ATP6V0A1: variants seen among roughly 807,000 people sequenced by gnomAD.
The protein encoded by ATP6V0A1 is ATPase H+ transporting V0 subunit a1.
ATP6V0A1 carries 43 observed loss-of-function variants against 105.4 expected under a neutral mutation model. The observed-to-expected ratio is 0.41, with a 90% CI of 0.32 to 0.53. The LOEUF (loss-of-function observed/expected upper bound fraction) is 0.53. ATP6V0A1 is among the 20% of genes least tolerant of loss of function. ATP6V0A1 has a pLI of 0.30. For synonymous variants in ATP6V0A1, 362 were observed against 372.8 expected (o/e 0.97, Z 0.33); for missense variants, 676 against 1,051.1 (o/e 0.64, Z 4.93).
intron 10 of ATP6V0A1, among the ~76,000 whole-genome samples, chr17:42,488,447 C>T (rs2090317694): frequency 6.6e-6 from 1 of 152,076 alleles, no homozygotes; most frequent in Admixed American, 6.6e-5. Flanking sequence ...GGAACATGAT[C>T]AAAGCAGTTT....
chr17:42,487,073 G>A (rs1342985978), intron 9 of ATP6V0A1, 82 bp from the exon 10 acceptor site: 1 of 1,342,102 alleles, frequency 7.5e-7, no homozygotes, highest in South Asian at 1.2e-5. Flanking sequence ...TTTTCAGAAA[G>A]CTATGCCTCT....
At chr17:42,484,482 C>T (rs1567831220) in intron 9 of ATP6V0A1, among the ~76,000 whole-genome samples, 3 of 152,180 alleles carry the variant, frequency 2.0e-5, no homozygotes, top group Non-Finnish European at 4.4e-5. Flanking sequence ...GGCAGCTGGT[C>T]CCAATAGCTC....
Position 42,478,418 on chromosome 17 carries a change from C to T in ATP6V0A1, c.507-45C>T, listed in dbSNP as rs531360574. The T allele has an allele frequency of 4.1e-6, 6 of 1,452,478 alleles. No individual in the cohort carries two copies. In the East Asian group the frequency reaches 1.1e-4, roughly 26 times the overall value. The allele number at this position is 1,452,478 out of a possible 1,614,324, so 90.0% of individuals were successfully genotyped here. A position where few individuals can be genotyped will look rare whatever the true frequency, so the allele number is the denominator to read the frequency against. Reference sequence around the variant, plus strand: ...AAGACTTGTATTAAAACCTTCCATCCCATGACATGGAATAGAGTTTCCAAT... The same window carrying T: ...AAGACTTGTATTAAAACCTTCCATCTCATGACATGGAATAGAGTTTCCAAT... On this transcript the variant is annotated intron_variant, in intron 6 of 21. Transcript: ENST00000343619.
Position 42,520,904 on chromosome 17 carries a change from T to C in ATP6V0A1, c.2421-123T>C, listed in dbSNP as rs11868590. ...TCTGCACTCTGGGCTTTCTCTAGCT[T>C]CCCCAGGGAAGGGAGGCTCGGGGTG... On this transcript the variant is annotated intron_variant, in intron 21 of 21. Transcript: ENST00000343619. The C allele has an allele frequency of 0.016, 13,598 of 829,364 alleles. 1,243 individuals carry two copies. The African/African-American group carries it at 0.2, about 12-fold the overall frequency. The allele number at this position is 829,364 out of a possible 1,614,324, so 51.4% of individuals were successfully genotyped here. A position where few individuals can be genotyped will look rare whatever the true frequency, so the allele number is the denominator to read the frequency against.
chr17:42,489,848 TAGAG>T (rs1598895421), intron 10 of ATP6V0A1, among the ~76,000 whole-genome samples: 1 of 151,664 alleles, frequency 6.6e-6, no homozygotes, highest in East Asian at 1.9e-4. Flanking sequence ...AGGGAGGTCA[TAGAG>T]AGAAAAAAAA....
chr17:42,502,958 A>T (rs989613771), intron 17 of ATP6V0A1: 5 of 152,504 alleles, frequency 3.3e-5, no homozygotes, highest in Non-Finnish European at 7.3e-5. Context: ...AATTGAGAGC[A>T]TGGGACATGT....
At position 42,512,507 on chromosome 17, in the gene ATP6V0A1, G is replaced by A. The variant is rs190803480; in HGVS notation, c.2131-1354G>A. Among the ~76,000 whole-genome samples, 8 of 152,304 alleles carry A rather than the reference G, an allele frequency of 5.3e-5. No homozygotes were observed. In the East Asian group the frequency reaches 1.5e-3, roughly 29 times the overall value. On this transcript the variant is annotated intron_variant, in intron 19 of 21. Coordinates refer to ENST00000343619, the MANE Select transcript of ATP6V0A1 (RefSeq NM_001130021.3). The stretch of plus-strand genomic sequence containing the variant: ...CGGTGTTGGGATTTAGGGAACTCAG[G>A]GAACTAGGATTACCCTAGTTTTCAG...
intron 9 of ATP6V0A1, among the ~76,000 whole-genome samples, chr17:42,485,685 G>T (rs2090039443): frequency 6.6e-6 from 1 of 152,074 alleles, no homozygotes; most frequent in African/African-American, 2.4e-5. Context: ...CAAGTAGCTG[G>T]GACTACAGGT....
intron 12 of ATP6V0A1, chr17:42,494,816 C>T (rs548508717): frequency 5.9e-6 from 3 of 508,210 alleles, no homozygotes; most frequent in South Asian, 4.7e-5. Flanking sequence ...TGGCCAAAAC[C>T]GCAGTAACTT....
chr17:42,483,101 A>G lies in ATP6V0A1; in HGVS notation c.780A>G (p.Gly260=), dbSNP rs35520937. 7.0e-4 allele frequency: 1,095 copies of G among 1,555,326 alleles called. 8 individuals are homozygous for G. In the African/African-American group the frequency reaches 0.013, roughly 18 times the overall value. Residue 260 remains glycine (G), a synonymous_variant, in exon 9 of 22, where the codon GGA becomes GGG. Transcript: ENST00000343619. ...AGGAGAGGAAGGAAATGGCTTCTGG[A>G]GTGAATACCAGGATTGATGATCTCC... ...TPQERKEMAS[G]VNTRIDDLQM...
At chr17:42,499,598 C>G (rs761422608) in intron 15 of ATP6V0A1, among the ~76,000 whole-genome samples, 16 of 151,166 alleles carry the variant, frequency 1.1e-4, no homozygotes, top group Non-Finnish European at 1.6e-4. Context: ...ACCAGCCTGG[C>G]CCACATGGTG....
At position 42,498,004 on chromosome 17, in the gene ATP6V0A1, G is replaced by A. The variant is rs1045127829; in HGVS notation, c.1561-920G>A. 7.2e-5 allele frequency among the ~76,000 whole-genome samples: 11 copies of A among 151,770 alleles called. 1 individual carries two copies. The South Asian group carries it at 1.2e-3, about 17-fold the overall frequency. On this transcript the variant is annotated intron_variant, in intron 14 of 21. Coordinates refer to ENST00000343619, the MANE Select transcript of ATP6V0A1 (RefSeq NM_001130021.3). The stretch of plus-strand genomic sequence containing the variant: ...CTCAAGCCTGTAATCCAAGCAGTTT[G>A]GGAGGCCGAGGCAAGCCTCAGGCCA...
chr17:42,514,285 C>T lies in ATP6V0A1; in HGVS notation c.2249-4C>T, dbSNP rs752423488. 1 of 1,580,248 alleles carries T rather than the reference C, an allele frequency of 6.3e-7. No homozygotes were observed. Among genetic ancestry groups the T allele is most frequent in the South Asian group, 1.2e-5 (1 of 85,474 alleles). On this transcript the variant is annotated splice_polypyrimidine_tract_variant and splice_region_variant and intron_variant, in intron 20 of 21. Transcript: ENST00000343619. ...CACTGGATTTTGTGTCTCCCATTCC[C>T]CAGAGCTGTCTGAGGTGCTTTGGAC...
intron 5 of ATP6V0A1, among the ~76,000 whole-genome samples, chr17:42,474,298 G>A (rs2145775793): frequency 1.3e-5 from 2 of 151,904 alleles, no homozygotes; most frequent in South Asian, 4.2e-4. Flanking sequence ...ACCGCACCCA[G>A]CCTCCCCCTC....
intron 9 of ATP6V0A1, among the ~76,000 whole-genome samples, chr17:42,484,507 C>G (rs142321947): frequency 6.6e-6 from 1 of 152,158 alleles, no homozygotes; most frequent in Admixed American, 6.6e-5. Flanking sequence ...TGCATCCTTG[C>G]GGTCACCTTT....
chr17:42,464,487 C>G (rs2086800201), intron 2 of ATP6V0A1, among the ~76,000 whole-genome samples: 1 of 151,934 alleles, frequency 6.6e-6, no homozygotes, highest in South Asian at 2.1e-4. Context: ...ATTGCAACCT[C>G]CGCCTCCCGG....
At chr17:42,494,817 G>T (rs547833442) in intron 12 of ATP6V0A1, 1 of 511,080 alleles carries the variant, frequency 2.0e-6, no homozygotes, top group Non-Finnish European at 3.3e-6. Flanking sequence ...GGCCAAAACC[G>T]CAGTAACTTT....
chr17:42,477,424 C>T (rs1408800298), intron 5 of ATP6V0A1, among the ~76,000 whole-genome samples: 1 of 152,080 alleles, frequency 6.6e-6, no homozygotes, highest in Non-Finnish European at 1.5e-5. Context: ...AAACCATTTC[C>T]CCAGATGCTT....
intron 10 of ATP6V0A1, among the ~76,000 whole-genome samples, chr17:42,488,584 A>T (rs955273742): frequency 2.6e-5 from 4 of 151,920 alleles, no homozygotes; most frequent in Non-Finnish European, 4.4e-5. Context: ...CAATCCTCCC[A>T]CTTCAGACTC....
Sources: gnomAD v4.1 joint callset for allele counts (sites outside exome capture counted in the v4.1 genomes callset) on GRCh38, gnomAD v4.1.1 for gene constraint, MANE v1.5 for transcripts, NCBI Gene and HGNC (gene_info 2026-07-23, HGNC 2026-07-21) for gene names.